MSI2: variants seen among roughly 807,000 people sequenced by gnomAD.
The protein encoded by MSI2 is RNA-binding protein Musashi homolog 2.
In MSI2, 17 loss-of-function variants were observed where a neutral mutation model predicts 45.6. The ratio of observed to expected loss-of-function variants is 0.37; its 90% CI spans 0.26 to 0.56. The LOEUF (loss-of-function observed/expected upper bound fraction) is 0.56. Ranked by LOEUF, MSI2 falls within the 20% of genes least tolerant of loss-of-function variation. MSI2 has a pLI of 0.77. For synonymous variants in MSI2, 156 were observed against 158.2 expected, an observed-to-expected ratio of 0.99 and a Z score of 0.11; for missense variants, 293 against 444.2, an observed-to-expected ratio of 0.66 and a Z score of 3.06.
chr17:57,619,661 G>A (rs550498734), intron 9 of MSI2, among the ~76,000 whole-genome samples: 15 of 152,304 alleles, frequency 9.8e-5, no homozygotes, highest in African/African-American at 2.6e-4. Context: ...CCTGCAGCTC[G>A]TGGGCAGACC....
chr17:57,432,202 T>C, intron 6 of MSI2, among the ~76,000 whole-genome samples: 1 of 152,194 alleles, frequency 6.6e-6, no homozygotes, highest in East Asian at 1.9e-4. Context: ...ATTTCGGCTT[T>C]GGAAGGGATT....
At chr17:57,669,993 G>T (rs1436216913) in intron 11 of MSI2, among the ~76,000 whole-genome samples, 2 of 152,336 alleles carry the variant, frequency 1.3e-5, no homozygotes, top group Non-Finnish European at 2.9e-5. Context: ...GGAAATGTGA[G>T]ACCCACCACA....
At chr17:57,668,043 AC>A (rs1299279397) in intron 11 of MSI2, among the ~76,000 whole-genome samples, 1 of 152,188 alleles carries the variant, frequency 6.6e-6, no homozygotes, top group African/African-American at 2.4e-5. Context: ...TACTAAAAAT[AC>A]AAAAATTAGC....
chr17:57,618,724 A>G (rs1457821205), intron 9 of MSI2, among the ~76,000 whole-genome samples: 2 of 152,024 alleles, frequency 1.3e-5, no homozygotes, highest in African/African-American at 2.4e-5. Flanking sequence ...TTGTATTTTT[A>G]GTAGAGACGG....
At chr17:57,655,433 C>T (rs1255978672) in intron 11 of MSI2, among the ~76,000 whole-genome samples, 1 of 152,134 alleles carries the variant, frequency 6.6e-6, no homozygotes, top group African/African-American at 2.4e-5. Context: ...TTTGGGGTGA[C>T]ATTATGGGTG....
chr17:57,577,760 A>G (rs1598417031), intron 7 of MSI2, among the ~76,000 whole-genome samples: 1 of 152,238 alleles, frequency 6.6e-6, no homozygotes, highest in Admixed American at 6.5e-5. Context: ...AAGCACAGCA[A>G]TTACTTGGAG....
At chr17:57,404,373 C>T (rs2084046592) in intron 6 of MSI2, among the ~76,000 whole-genome samples, 1 of 152,190 alleles carries the variant, frequency 6.6e-6, no homozygotes, top group Non-Finnish European at 1.5e-5. Context: ...ATATTGTGCC[C>T]TTCAGTGTGC....
intron 5 of MSI2, among the ~76,000 whole-genome samples, chr17:57,344,179 A>G (rs1915403314): frequency 6.6e-6 from 1 of 152,170 alleles, no homozygotes; most frequent in African/African-American, 2.4e-5. Context: ...TAATTCCTAC[A>G]TCCCCTCTTT....
At chr17:57,674,332 AAAAAC>A (rs1191031374) in intron 11 of MSI2, among the ~76,000 whole-genome samples, 139 of 152,156 alleles carry the variant, frequency 9.1e-4, no homozygotes, top group African/African-American at 3.1e-3. Context: ...TTTTAAAAAA[AAAAAC>A]AAAACAAATT....
chr17:57,421,566 A>G (rs2084397578), intron 6 of MSI2, among the ~76,000 whole-genome samples: 1 of 151,614 alleles, frequency 6.6e-6, no homozygotes, highest in African/African-American at 2.4e-5. Flanking sequence ...CCTTCTCCTC[A>G]GGCACAGTAT....
At chr17:57,286,810 G>A (rs1909933790) in intron 5 of MSI2, among the ~76,000 whole-genome samples, 1 of 152,048 alleles carries the variant, frequency 6.6e-6, no homozygotes, top group African/African-American at 2.4e-5. Context: ...TATTTTTCTG[G>A]TGAACAAACA....
upstream of MSI2, among the ~76,000 whole-genome samples, chr17:57,256,303 C>T: frequency 1.3e-5 from 2 of 151,560 alleles, no homozygotes; most frequent in Non-Finnish European, 2.9e-5. Context: ...GCGGGGTTCG[C>T]GCGCCACCCT....
chr17:57,323,752 G>A (rs1251930625), intron 5 of MSI2, among the ~76,000 whole-genome samples: 1 of 152,238 alleles, frequency 6.6e-6, no homozygotes, highest in East Asian at 1.9e-4. Context: ...GGGTGTCAAC[G>A]GGGGCATTTT....
intron 6 of MSI2, among the ~76,000 whole-genome samples, chr17:57,465,920 G>A (rs746874135): frequency 6.6e-6 from 1 of 152,158 alleles, no homozygotes; most frequent in Non-Finnish European, 1.5e-5. Context: ...TCTATTAGGC[G>A]GCAAATGCTT....
At chr17:57,502,757 G>A (rs1452041643) in intron 6 of MSI2, among the ~76,000 whole-genome samples, 1 of 151,170 alleles carries the variant, frequency 6.6e-6, no homozygotes, top group African/African-American at 2.4e-5. Flanking sequence ...TGTGCACAGA[G>A]GCGCATGTGT....
chr17:57,288,648 T>G (rs7214706), intron 5 of MSI2, among the ~76,000 whole-genome samples: 2,426 of 152,032 alleles, frequency 0.016, 65 homozygotes, highest in African/African-American at 0.055. Context: ...GATGGTGCAG[T>G]TTGGTTTCTA....
intron 5 of MSI2, among the ~76,000 whole-genome samples, chr17:57,337,308 A>G (rs1914759246): frequency 6.6e-6 from 1 of 152,142 alleles, no homozygotes; most frequent in African/African-American, 2.4e-5. Flanking sequence ...CATGTTTCTC[A>G]AATGCTGCAA....
chr17:57,305,120 A>G (rs181822260), intron 5 of MSI2, among the ~76,000 whole-genome samples: 2 of 152,270 alleles, frequency 1.3e-5, no homozygotes, highest in Admixed American at 1.3e-4. Flanking sequence ...GGGAAGAGTG[A>G]TAGGTGGCCC....
intron 7 of MSI2, among the ~76,000 whole-genome samples, chr17:57,576,107 G>T (rs1218222269): frequency 2.6e-5 from 4 of 152,184 alleles, no homozygotes; most frequent in Admixed American, 2.6e-4. Context: ...AGACACTGTG[G>T]GAAGGCCATC....
Sources: allele counts gnomAD v4.1 joint callset (sites outside exome capture counted in the v4.1 genomes callset), GRCh38; gene constraint gnomAD v4.1.1; transcripts MANE v1.5; gene names NCBI Gene and HGNC (gene_info 2026-07-23, HGNC 2026-07-21).